The following CARMIL1 variants were observed in gnomAD, a reference collection of about 807,000 sequenced individuals.
CARMIL1 encodes the protein F-actin-uncapping protein LRRC16A.
CARMIL1 carries 90 observed loss-of-function variants against 177.1 expected under a neutral mutation model. The observed-to-expected ratio is 0.51, with a 90% CI of 0.43 to 0.61. The LOEUF (loss-of-function observed/expected upper bound fraction) is 0.61, where lower values mean the gene tolerates loss of function less well. Among genes scored for constraint, CARMIL1 ranks in the 20% least tolerant of loss-of-function variants. CARMIL1 has a pLI of 0.00. For synonymous variants in CARMIL1, 577 were observed against 606.2 expected (o/e 0.95, Z 0.71); for missense variants, 1,380 against 1,667.0 (o/e 0.83, Z 3.00).
intron 29 of CARMIL1, among the ~76,000 whole-genome samples, chr6:25,565,706 G>A (rs757170244): frequency 1.3e-5 from 2 of 152,078 alleles, no homozygotes; most frequent in Non-Finnish European, 2.9e-5. Flanking sequence ...TTAGCTGGGC[G>A]TGATGGCACG....
At chr6:25,295,505 G>A (rs977966565) in intron 2 of CARMIL1, among the ~76,000 whole-genome samples, 1 of 151,940 alleles carries the variant, frequency 6.6e-6, no homozygotes, top group Non-Finnish European at 1.5e-5. Context: ...GCATTTTGAA[G>A]GATGCTTTTT....
At chr6:25,519,995 A>C (rs1235044815) in intron 22 of CARMIL1, among the ~76,000 whole-genome samples, 3 of 152,228 alleles carry the variant, frequency 2.0e-5, no homozygotes, top group Non-Finnish European at 4.4e-5. Flanking sequence ...AAAACAAAAC[A>C]ACAAAACTGC....
intron 33 of CARMIL1, among the ~76,000 whole-genome samples, chr6:25,603,517 T>G (rs970835256): frequency 6.6e-6 from 1 of 152,160 alleles, no homozygotes. Context: ...GGAATGAGGC[T>G]TATCTCACCT....
At chr6:25,609,205 A>G (rs928398175) in intron 35 of CARMIL1, among the ~76,000 whole-genome samples, 3 of 151,992 alleles carry the variant, frequency 2.0e-5, no homozygotes, top group African/African-American at 4.8e-5. Flanking sequence ...GGTGGCTCAC[A>G]CCTGTAATCC....
At chr6:25,477,525 G>C (rs985063093) in intron 11 of CARMIL1, among the ~76,000 whole-genome samples, 2 of 152,130 alleles carry the variant, frequency 1.3e-5, no homozygotes, top group African/African-American at 4.8e-5. Flanking sequence ...CTGTTCACCA[G>C]CTTGCTCTTG....
chr6:25,310,358 G>A (rs1468936537), intron 2 of CARMIL1, among the ~76,000 whole-genome samples: 1 of 152,216 alleles, frequency 6.6e-6, no homozygotes, highest in Non-Finnish European at 1.5e-5. Context: ...TTGAGAGATA[G>A]GTTGAATAGA....
intron 8 of CARMIL1, among the ~76,000 whole-genome samples, chr6:25,451,194 G>A (rs1798878812): frequency 6.6e-6 from 1 of 151,858 alleles, no homozygotes; most frequent in African/African-American, 2.4e-5. Flanking sequence ...CAGTGCATGT[G>A]TGTATCCAAA....
At chr6:25,412,504 C>T (rs74403967) in intron 2 of CARMIL1, among the ~76,000 whole-genome samples, 2,635 of 152,224 alleles carry the variant, frequency 0.017, 54 homozygotes, top group African/African-American at 0.058. Flanking sequence ...TTACTTAAGC[C>T]CAGGAAGTCT....
intron 2 of CARMIL1, among the ~76,000 whole-genome samples, chr6:25,386,250 G>A (rs1006841300): frequency 3.9e-5 from 6 of 152,184 alleles, no homozygotes; most frequent in Non-Finnish European, 5.9e-5. Flanking sequence ...TAATCTTTGT[G>A]TGTGTGTGGG....
intron 2 of CARMIL1, among the ~76,000 whole-genome samples, chr6:25,300,240 A>G (rs1005672549): frequency 2.0e-5 from 3 of 152,238 alleles, no homozygotes; most frequent in African/African-American, 7.2e-5. Flanking sequence ...CCAAATCTGT[A>G]TGTAACAAAA....
At chr6:25,296,110 A>G (rs572759887) in intron 2 of CARMIL1, among the ~76,000 whole-genome samples, 3 of 152,238 alleles carry the variant, frequency 2.0e-5, no homozygotes, top group Non-Finnish European at 4.4e-5. Context: ...TTCTTCCCAG[A>G]CAGTTCTGAA....
intron 2 of CARMIL1, among the ~76,000 whole-genome samples, chr6:25,290,444 G>GACCTCTTGT (rs944001584): frequency 2.1e-5 from 3 of 141,634 alleles, no homozygotes; most frequent in African/African-American, 8.0e-5. Flanking sequence ...GAGCCCTGAT[G>GACCTCTTGT]ACCTCTTGTT....
At chr6:25,300,346 A>G (rs1239915498) in intron 2 of CARMIL1, among the ~76,000 whole-genome samples, 3 of 152,230 alleles carry the variant, frequency 2.0e-5, no homozygotes, top group African/African-American at 7.2e-5. Context: ...AAACAGCAAC[A>G]TTAACATCAC....
intron 2 of CARMIL1, among the ~76,000 whole-genome samples, chr6:25,300,194 G>A (rs9688905): frequency 0.02 from 3,010 of 152,126 alleles, 72 homozygotes; most frequent in African/African-American, 0.058. Flanking sequence ...AAGTCTATAT[G>A]CATTTAAAAT....
chr6:25,281,666 G>A (rs1781126593), intron 1 of CARMIL1, among the ~76,000 whole-genome samples: 1 of 152,102 alleles, frequency 6.6e-6, no homozygotes, highest in South Asian at 2.1e-4. Context: ...GCCTTTCAGT[G>A]GTCAAGTTAG....
At chr6:25,519,098 TTGA>T in intron 22 of CARMIL1, among the ~76,000 whole-genome samples, 1 of 152,210 alleles carries the variant, frequency 6.6e-6, no homozygotes, top group African/African-American at 2.4e-5. Flanking sequence ...TACTATTAAC[TTGA>T]TGGTTTTCTT....
In CARMIL1 at chr6:25,515,759, C is replaced by T. The variant is rs1456764228; in HGVS notation, c.1717C>T (p.Leu573=). The change falls in exon 21 of 37, where the codon CTG becomes TTG. Residue 573 remains leucine (L), a synonymous_variant. Transcript: ENST00000329474. The surrounding 1 kb of genome is among the most constrained non-coding windows in gnomAD (Gnocchi z 5.0). The part of the protein sequence containing the change: ...IINALGSNTS[L]TKVDISGNGM... ...CAATGCCCTGGGAAGCAACACCTCC[C>T]TGACCAAAGTGGACATTAGCGGCAA... The T allele has an allele frequency of 1.2e-6, 2 of 1,611,874 alleles. No individual in the cohort carries two copies. Among genetic ancestry groups the T allele is most frequent in the Non-Finnish European group, 1.7e-6 (2 of 1,179,162 alleles).
chr6:25,492,306 AC>A (rs1206798532), intron 15 of CARMIL1, among the ~76,000 whole-genome samples: 1 of 152,166 alleles, frequency 6.6e-6, no homozygotes, highest in East Asian at 1.9e-4. Flanking sequence ...TATGGGAAAA[AC>A]CCTTTTAGAA....
chr6:25,420,180 G>A lies in CARMIL1; in HGVS notation c.189+16G>A. On this transcript the variant is annotated intron_variant, in intron 3 of 36. Transcript: ENST00000329474. ...CCCCACCAAGGTAAGTGTTGATGAA[G>A]TCCTTCCTTCTGCACTCACACTCAC... 6.2e-7 allele frequency: 1 copy of A among 1,612,354 alleles called. No individual in the cohort carries two copies. The highest frequency in any genetic ancestry group is 1.7e-4 in the Middle Eastern group (1 of 6,056).
Sources: allele counts gnomAD v4.1 joint callset (sites outside exome capture counted in the v4.1 genomes callset), GRCh38; gene constraint gnomAD v4.1.1; non-coding constraint Gnocchi (gnomAD v3.1); transcripts MANE v1.5; gene names NCBI Gene and HGNC (gene_info 2026-07-23, HGNC 2026-07-21).